Variants in RANBP2 observed in about 807,000 individuals in gnomAD.
RANBP2 encodes E3 SUMO-protein ligase RanBP2.
In RANBP2, 57 loss-of-function variants were observed where a neutral mutation model predicts 303.6. The observed-to-expected ratio is 0.19, with a 90% CI of 0.15 to 0.23. The LOEUF is 0.23. Ranked by LOEUF, RANBP2 falls within the 10% of genes least tolerant of loss-of-function variation. The pLI is 1.00. For synonymous variants in RANBP2, 1,167 were observed against 1,301.5 expected (o/e 0.90, Z 2.23); for missense variants, 3,138 against 3,780.8 (o/e 0.83, Z 4.46).
chr2:108,845,775 G>A, the RANBP2 span, among the ~76,000 whole-genome samples: 1 of 152,090 alleles, frequency 6.6e-6, no homozygotes, highest in Non-Finnish European at 1.5e-5. Context: ...GTTTCACCAT[G>A]TTAGCCAGGA....
the RANBP2 span, among the ~76,000 whole-genome samples, chr2:109,223,257 T>C: frequency 0.17 from 25,182 of 152,128 alleles, 4,163 homozygotes; most frequent in African/African-American, 0.42. Flanking sequence ...AGTTGGCTGT[T>C]ACCAGATCCA....
the RANBP2 span, among the ~76,000 whole-genome samples, chr2:109,202,632 C>T: frequency 6.6e-6 from 1 of 152,140 alleles, no homozygotes; most frequent in East Asian, 1.9e-4. Flanking sequence ...TCAGCCCGGC[C>T]CCAGGAACCT....
At chr2:108,998,972 C>T in the RANBP2 span, among the ~76,000 whole-genome samples, 5 of 152,318 alleles carry the variant, frequency 3.3e-5, no homozygotes, top group South Asian at 8.3e-4. Flanking sequence ...CAGACTCTAA[C>T]GGCAGCAAAA....
the RANBP2 span, among the ~76,000 whole-genome samples, chr2:109,175,271 C>T: frequency 6.6e-6 from 1 of 152,178 alleles, no homozygotes; most frequent in African/African-American, 2.4e-5. Flanking sequence ...TTCATCCTTT[C>T]CCCTATTGGC....
chr2:109,751,573 A>T, the RANBP2 span, among the ~76,000 whole-genome samples: 1 of 110,908 alleles, frequency 9.0e-6, no homozygotes, highest in African/African-American at 2.9e-5. Flanking sequence ...TGTCTACTAA[A>T]ATAGCCTTTC....
chr2:108,825,927 AC>A, the RANBP2 span, among the ~76,000 whole-genome samples: 2 of 152,216 alleles, frequency 1.3e-5, no homozygotes, highest in East Asian at 3.8e-4. Flanking sequence ...GTCAAAACAT[AC>A]GGATTTAAAA....
the RANBP2 span, among the ~76,000 whole-genome samples, chr2:109,652,242 A>G: frequency 3.6e-5 from 5 of 137,542 alleles, no homozygotes; most frequent in Non-Finnish European, 6.0e-5. Flanking sequence ...TTTTTTTTTG[A>G]GACGGAGTCT....
the RANBP2 span, among the ~76,000 whole-genome samples, chr2:109,660,690 C>T: frequency 1.3e-5 from 2 of 152,306 alleles, no homozygotes; most frequent in Non-Finnish European, 2.9e-5. Flanking sequence ...GAGCCTGAGC[C>T]GCAGAGTGCT....
the RANBP2 span, among the ~76,000 whole-genome samples, chr2:109,416,318 G>A: frequency 2.0e-5 from 3 of 151,954 alleles, no homozygotes; most frequent in Non-Finnish European, 1.5e-5. Context: ...GTCCAGGCTG[G>A]GTGCAGTGGC....
At chr2:109,283,930 T>G in the RANBP2 span, among the ~76,000 whole-genome samples, 1 of 152,208 alleles carries the variant, frequency 6.6e-6, no homozygotes, top group Non-Finnish European at 1.5e-5. Context: ...TCCATCTCAC[T>G]TGGGGAGGCC....
chr2:109,714,981 G>C, the RANBP2 span, among the ~76,000 whole-genome samples: 1 of 119,662 alleles, frequency 8.4e-6, no homozygotes, highest in East Asian at 3.2e-4. Context: ...GTGGGGGTGG[G>C]GGCGGGGCGT....
At chr2:109,160,207 T>G in the RANBP2 span, among the ~76,000 whole-genome samples, 3 of 152,080 alleles carry the variant, frequency 2.0e-5, no homozygotes, top group Non-Finnish European at 4.4e-5. Flanking sequence ...GAGGGTCTTG[T>G]GGGATGAACA....
chr2:109,150,439 T>C, the RANBP2 span, among the ~76,000 whole-genome samples: 1 of 152,214 alleles, frequency 6.6e-6, no homozygotes, highest in East Asian at 1.9e-4. Context: ...CTCTGCTCAT[T>C]ATTTCACTTA....
chr2:109,029,584 C>T, the RANBP2 span, among the ~76,000 whole-genome samples: 1 of 152,170 alleles, frequency 6.6e-6, no homozygotes, highest in South Asian at 2.1e-4. Flanking sequence ...TGTGTCCCTG[C>T]CGGGCAAACT....
At chr2:109,137,016 T>A in the RANBP2 span, among the ~76,000 whole-genome samples, 1 of 152,236 alleles carries the variant, frequency 6.6e-6, no homozygotes, top group Non-Finnish European at 1.5e-5. Context: ...TACCATACAC[T>A]ACAGTGGACA....
At chr2:109,069,726 T>A in the RANBP2 span, among the ~76,000 whole-genome samples, 1 of 152,222 alleles carries the variant, frequency 6.6e-6, no homozygotes, top group Non-Finnish European at 1.5e-5. Flanking sequence ...CATAACACTT[T>A]TTTTCTTCTT....
rs769179950 is a variant in RANBP2 at position 108,773,059 on chromosome 2, C to T, written c.8292+13C>T. 1.1e-5 allele frequency: 17 copies of T among 1,601,722 alleles called. No individual in the cohort carries two copies. The highest frequency in any genetic ancestry group is 1.3e-5 in the African/African-American group (1 of 74,708). On this transcript the variant is annotated intron_variant, in intron 23 of 28. Transcript: ENST00000283195. ...TCAGGAAGCTCAAGTAAGAACATCT[C>T]TAATAAATTTTCCTTCTAGTTCCAT...
the RANBP2 span, among the ~76,000 whole-genome samples, chr2:109,688,321 G>C: frequency 6.6e-6 from 1 of 152,164 alleles, no homozygotes; most frequent in African/African-American, 2.4e-5. Flanking sequence ...TCGTTCCTCA[G>C]AGGACATCCT....
At chr2:109,336,978 G>A in the RANBP2 span, among the ~76,000 whole-genome samples, 3 of 152,176 alleles carry the variant, frequency 2.0e-5, no homozygotes, top group African/African-American at 7.2e-5. Flanking sequence ...TTAGTGTAAA[G>A]CAGACAAATG....
Sources: allele counts gnomAD v4.1 joint callset (sites outside exome capture counted in the v4.1 genomes callset), GRCh38; gene constraint gnomAD v4.1.1; transcripts MANE v1.5; gene names NCBI Gene and HGNC (gene_info 2026-07-23, HGNC 2026-07-21).